The following ECE1 variants were observed in gnomAD, a reference collection of about 807,000 sequenced individuals.
The protein encoded by ECE1 is endothelin converting enzyme 1.
ECE1 carries 35 observed loss-of-function variants against 98.6 expected under a neutral mutation model. That is an observed-to-expected ratio of 0.35 (90% CI 0.27 to 0.47). ECE1 has a LOEUF of 0.47. Among genes scored for constraint, ECE1 ranks in the 20% least tolerant of loss-of-function variants. The pLI is 1.00. For synonymous variants in ECE1, 394 were observed against 407.1 expected (o/e 0.97, Z 0.39); for missense variants, 814 against 1,025.3 (o/e 0.79, Z 2.81).
At chr1:21,298,179 A>T (rs1353504288) in intron 1 of ECE1, 1 of 160,224 alleles carries the variant, frequency 6.2e-6, no homozygotes. Flanking sequence ...TCACACACAG[A>T]CTCCCTGGAG....
chr1:21,344,562 C>T lies in ECE1; in HGVS notation c.3+814G>A, dbSNP rs562881064. On this transcript the variant is annotated intron_variant, in intron 1 of 18. Transcript: ENST00000415912. The stretch of plus-strand genomic sequence containing the variant: ...GCTCTTGGGGTCCAGGGACAATGCC[C>T]CTCCCAACAGCCCCCCCCCAGGAAG... 1.7e-3 allele frequency among the ~76,000 whole-genome samples: 261 copies of T among 152,050 alleles called. 2 individuals carry two copies. The highest frequency in any genetic ancestry group is 6.0e-3 in the African/African-American group (250 of 41,352).
At chr1:21,234,771 G>A (rs955867887) in intron 13 of ECE1, among the ~76,000 whole-genome samples, 4 of 152,184 alleles carry the variant, frequency 2.6e-5, no homozygotes, top group African/African-American at 7.2e-5. Context: ...GAGCCACTGC[G>A]CCTGGCTCAG....
chr1:21,267,089 T>A (rs1375331250), intron 4 of ECE1: 1 of 152,162 alleles, frequency 6.6e-6, no homozygotes, highest in Non-Finnish European at 1.5e-5. Context: ...AGGGGGCCAG[T>A]TCCCCCCTCT....
intron 1 of ECE1, among the ~76,000 whole-genome samples, chr1:21,328,328 A>G (rs1639126007): frequency 6.6e-6 from 1 of 152,210 alleles, no homozygotes; most frequent in Non-Finnish European, 1.5e-5. Flanking sequence ...AGATCTGTGC[A>G]ACTGTCCAAG....
chr1:21,312,054 C>T (rs894786043), intron 1 of ECE1, among the ~76,000 whole-genome samples: 4 of 144,632 alleles, frequency 2.8e-5, no homozygotes, highest in Non-Finnish European at 4.5e-5. Flanking sequence ...ACCCAGGAGG[C>T]GGAGGTTGCA....
chr1:21,234,034 C>T (rs1306364755), intron 13 of ECE1, among the ~76,000 whole-genome samples: 1 of 152,124 alleles, frequency 6.6e-6, no homozygotes, highest in Non-Finnish European at 1.5e-5. Flanking sequence ...ATCATCCAGG[C>T]TGGAGTGCAA....
At chr1:21,310,012 G>C (rs796548636) in intron 1 of ECE1, among the ~76,000 whole-genome samples, 7 of 150,514 alleles carry the variant, frequency 4.7e-5, no homozygotes, top group African/African-American at 1.5e-4. Flanking sequence ...GGATGGTCTC[G>C]ATCTCCTGAC....
intron 10 of ECE1, among the ~76,000 whole-genome samples, chr1:21,238,533 G>GA (rs1558377020): frequency 6.6e-6 from 1 of 152,162 alleles, no homozygotes; most frequent in East Asian, 1.9e-4. Context: ...GACTGATGGG[G>GA]AAACACACTC....
intron 1 of ECE1, among the ~76,000 whole-genome samples, chr1:21,321,940 A>C (rs1462797089): frequency 6.6e-6 from 1 of 152,138 alleles, no homozygotes. Flanking sequence ...AGAAGGAGAA[A>C]CTGAGGCTGA....
intron 16 of ECE1, among the ~76,000 whole-genome samples, chr1:21,226,343 C>T (rs1478578701): frequency 6.6e-6 from 1 of 152,176 alleles, no homozygotes; most frequent in Non-Finnish European, 1.5e-5. Flanking sequence ...CTCCCAATCA[C>T]CACGGGAGGG....
At chr1:21,278,414 C>T (rs2098250039) in intron 3 of ECE1, among the ~76,000 whole-genome samples, 1 of 152,204 alleles carries the variant, frequency 6.6e-6, no homozygotes, top group Non-Finnish European at 1.5e-5. Flanking sequence ...GATCAAGGAA[C>T]ACGATGGGCA....
At chr1:21,337,247 C>T (rs987493582) in intron 1 of ECE1, among the ~76,000 whole-genome samples, 8 of 152,278 alleles carry the variant, frequency 5.3e-5, no homozygotes, top group Middle Eastern at 6.8e-3. Context: ...ACGACTCAGC[C>T]TAAAAAGGAG....
chr1:21,271,694 G>C (rs1391794405), intron 4 of ECE1, among the ~76,000 whole-genome samples: 1 of 151,970 alleles, frequency 6.6e-6, no homozygotes, highest in Non-Finnish European at 1.5e-5. Flanking sequence ...TGGGCAGACG[G>C]GAATCCAACA....
At chr1:21,330,216 T>C (rs1569773963) in intron 1 of ECE1, among the ~76,000 whole-genome samples, 3 of 117,364 alleles carry the variant, frequency 2.6e-5, no homozygotes, top group African/African-American at 6.5e-5. Flanking sequence ...GCCCACATAC[T>C]CGCCAAATAC....
At chr1:21,341,038 C>T (rs1431806117) in intron 1 of ECE1, among the ~76,000 whole-genome samples, 1 of 152,020 alleles carries the variant, frequency 6.6e-6, no homozygotes, top group African/African-American at 2.4e-5. Flanking sequence ...CCCTCCACCC[C>T]CCGCCCCCCA....
intron 8 of ECE1, among the ~76,000 whole-genome samples, chr1:21,248,230 G>A (rs2098206790): frequency 6.6e-6 from 1 of 151,870 alleles, no homozygotes; most frequent in African/African-American, 2.4e-5. Flanking sequence ...GAGTGCAGTG[G>A]TGCCATCTTG....
At chr1:21,244,221 T>G (rs367794850) in intron 10 of ECE1, among the ~76,000 whole-genome samples, 114 of 152,296 alleles carry the variant, frequency 7.5e-4, no homozygotes, top group African/African-American at 2.7e-3. Flanking sequence ...CCAGCCACTC[T>G]CTGGGGCCCG....
At chr1:21,285,689 C>CAAA (rs11454934) in intron 2 of ECE1, among the ~76,000 whole-genome samples, 24 of 71,832 alleles carry the variant, frequency 3.3e-4, no homozygotes, top group Non-Finnish European at 4.1e-4. Context: ...GACCCTGCCT[C>CAAA]AAAAAAAAAA....
rs536271893 is a variant in ECE1, at chr1:21,260,191, C to G, written c.615+80G>C. Reference sequence around the variant, plus strand: ...GGACGTATGAGGTGGGCCAGTGGTACCAGAAGGCTGGAGTGGAAGCCAGGG... The same window carrying G: ...GGACGTATGAGGTGGGCCAGTGGTAGCAGAAGGCTGGAGTGGAAGCCAGGG... On this transcript the variant is annotated intron_variant, in intron 5 of 18. Transcript: ENST00000374893. The surrounding 1 kb of genome is among the most constrained non-coding windows in gnomAD (Gnocchi z 4.3). 1.8e-4 allele frequency: 284 copies of G among 1,604,822 alleles called. No individual in the cohort carries two copies. The highest frequency in any genetic ancestry group is 4.0e-4 in the Admixed American group (24 of 59,994).
Sources: gnomAD v4.1 joint callset for allele counts (sites outside exome capture counted in the v4.1 genomes callset) on GRCh38, gnomAD v4.1.1 for gene constraint, Gnocchi (gnomAD v3.1) non-coding constraint, MANE v1.5 for transcripts, NCBI Gene and HGNC (gene_info 2026-07-23, HGNC 2026-07-21) for gene names.